The following MRS2 variants were observed in gnomAD, a reference collection of about 807,000 sequenced individuals.
MRS2 encodes the protein magnesium transporter MRS2, also known as magnesium transporter MRS2 homolog, mitochondrial.
A neutral mutation model predicts 52.6 loss-of-function variants in MRS2; 40 were observed. The observed-to-expected ratio is 0.76, with a 90% confidence interval of 0.59 to 0.99. The LOEUF is 0.99. MRS2 is among the 50% of genes least tolerant of loss of function. The probability of loss-of-function intolerance (pLI) is 0.00; values close to 1 mark genes in which losing one functional copy is unlikely to be tolerated. For missense variants in MRS2, 472 were observed against 532.7 expected (o/e 0.89, Z 1.12); for synonymous variants, 193 against 195.9 (o/e 0.98, Z 0.13).
intron 9 of MRS2, among the ~76,000 whole-genome samples, chr6:24,420,153 C>G (rs1027905637): frequency 2.0e-5 from 3 of 152,216 alleles, no homozygotes; most frequent in Admixed American, 2.0e-4. Context: ...CCACTTGTTA[C>G]TACCTCTCTC....
intron 1 of MRS2, 25 bp downstream of exon 1, chr6:24,403,261 C>G (rs756057615): frequency 5.1e-6 from 8 of 1,570,890 alleles, no homozygotes; most frequent in Non-Finnish European, 6.9e-6. Context: ...CGGCAACAGC[C>G]TTGGGACGCT....
chr6:24,414,636 C>T (rs996425180), intron 5 of MRS2, among the ~76,000 whole-genome samples: 2 of 152,216 alleles, frequency 1.3e-5, no homozygotes, highest in Admixed American at 6.5e-5. Context: ...CCATCATCAT[C>T]GTGGCCCGTT....
chr6:24,418,794 G>A (rs45447291), intron 9 of MRS2: 27,850 of 381,964 alleles, frequency 0.073, 1,266 homozygotes, highest in African/African-American at 0.13. Context: ...AGCTACTTGG[G>A]AGGCTGAGGC....
chr6:24,420,107 C>G (rs115369249), intron 9 of MRS2, among the ~76,000 whole-genome samples: 3 of 152,184 alleles, frequency 2.0e-5, no homozygotes, highest in Non-Finnish European at 4.4e-5. Context: ...ATAAAAATCC[C>G]GTCCTGCCGC....
chr6:24,407,228 T>C lies in MRS2; in HGVS notation c.265-1180T>C, dbSNP rs73725405. Among the ~76,000 whole-genome samples, 203 of 152,368 alleles carry C rather than the reference T, an allele frequency of 1.3e-3. 1 individual carries two copies. The highest frequency in any genetic ancestry group is 4.7e-3 in the African/African-American group (197 of 41,596). Reference sequence around the variant, plus strand: ...TTTCAAATTTTCTGCAGTGGGTTTATGTATTTGTGAAATATAAGGCTGAAA... The same window carrying C: ...TTTCAAATTTTCTGCAGTGGGTTTACGTATTTGTGAAATATAAGGCTGAAA... On this transcript the variant is annotated intron_variant, in intron 2 of 10. Coordinates refer to ENST00000378386, the MANE Select transcript of MRS2 (RefSeq NM_020662.4).
Position 24,408,455 on chromosome 6 carries a change from A to G in MRS2, c.301+11A>G, listed in dbSNP as rs745710425. On this transcript the variant is annotated intron_variant, in intron 3 of 10. Transcript: ENST00000378386. ...ACGTTACTTCTTTTGGTGAGTGATT[A>G]GCATTCTAAATCATTTTTTAAACAT... is the stretch of plus-strand genomic sequence containing the variant. The G allele has an allele frequency of 6.4e-7, 1 of 1,566,106 alleles. No individual in the cohort carries two copies. The highest frequency in any genetic ancestry group is 1.1e-5 in the South Asian group (1 of 89,236).
chr6:24,419,874 C>T (rs749064524), intron 9 of MRS2, among the ~76,000 whole-genome samples: 101 of 152,296 alleles, frequency 6.6e-4, no homozygotes, highest in African/African-American at 1.3e-3. Context: ...TGTGTTTTCA[C>T]AGAATAGCTT....
chr6:24,415,183 C>G lies in MRS2; in HGVS notation c.719+20C>G, dbSNP rs573389114. On this transcript the variant is annotated intron_variant, in intron 6 of 10. Coordinates refer to ENST00000378386, the MANE Select transcript of MRS2 (RefSeq NM_020662.4). Reference sequence around the variant, plus strand: ...CAAAAGGTAAATATGGATGATGTATCACATTGGGAGTTGGAGACAAATATC... The same window carrying G: ...CAAAAGGTAAATATGGATGATGTATGACATTGGGAGTTGGAGACAAATATC... The G allele has an allele frequency of 1.6e-5, 25 of 1,522,156 alleles. No individual in the cohort carries two copies. The South Asian group carries it at 3.2e-4, about 20-fold the overall frequency. 94.3% of individuals were successfully genotyped at this position (1,522,156 alleles called of 1,614,324 possible).
At chr6:24,406,296 A>G (rs1290390839) in intron 2 of MRS2, among the ~76,000 whole-genome samples, 1 of 152,180 alleles carries the variant, frequency 6.6e-6, no homozygotes, top group Admixed American at 6.5e-5. Context: ...TCATATATAG[A>G]AAGCCCTTAA....
chr6:24,419,717 T>A (rs1257032283), intron 9 of MRS2, among the ~76,000 whole-genome samples: 2 of 152,234 alleles, frequency 1.3e-5, no homozygotes, highest in Non-Finnish European at 2.9e-5. Context: ...CATTTCACTG[T>A]GGTTTTGTAC....
At chr6:24,417,981 C>T in intron 7 of MRS2, 103 bp from the exon 8 acceptor site, 1 of 867,116 alleles carries the variant, frequency 1.2e-6, no homozygotes, top group South Asian at 2.1e-5. Context: ...GCTAGCTTTT[C>T]CACTGGTAGC....
intron 5 of MRS2, among the ~76,000 whole-genome samples, chr6:24,413,769 T>A (rs959408372): frequency 2.0e-5 from 3 of 152,250 alleles, no homozygotes; most frequent in Non-Finnish European, 2.9e-5. Flanking sequence ...ATTGTGCTTC[T>A]GAGATAAAGA....
chr6:24,413,962 C>T (rs1033648865), intron 5 of MRS2, among the ~76,000 whole-genome samples: 1 of 152,162 alleles, frequency 6.6e-6, no homozygotes, highest in African/African-American at 2.4e-5. Context: ...TTTGACTTTA[C>T]TCTGATATGT....
rs1490095184 is a variant in MRS2, at chr6:24,413,288, G to A, written c.588+893G>A. On this transcript the variant is annotated intron_variant, in intron 5 of 10. Transcript: ENST00000378386. ...AGAGGCTAGGCTGGCATGGGTCTCCGGCCTAGAGATTGGCTGTGGGGAGAA... is the reference window on the plus strand; with the variant it reads ...AGAGGCTAGGCTGGCATGGGTCTCCAGCCTAGAGATTGGCTGTGGGGAGAA... Among the ~76,000 whole-genome samples, 4 of 152,074 alleles carry A rather than the reference G, an allele frequency of 2.6e-5. No homozygotes were observed. In the East Asian group the frequency reaches 5.8e-4, roughly 22 times the overall value.
At chr6:24,407,503 C>T (rs1228248967) in intron 2 of MRS2, among the ~76,000 whole-genome samples, 1 of 152,134 alleles carries the variant, frequency 6.6e-6, no homozygotes, top group Admixed American at 6.5e-5. Flanking sequence ...GTAAGTAGTA[C>T]AGCTCAGCAC....
intron 4 of MRS2, 32 bp from the exon 5 acceptor site, chr6:24,412,190 T>G: frequency 7.1e-7 from 1 of 1,409,944 alleles, no homozygotes; most frequent in Non-Finnish European, 9.6e-7. Context: ...CACTCACATA[T>G]TTATATGTTT....
chr6:24,407,171 G>A (rs1355370146), intron 2 of MRS2, among the ~76,000 whole-genome samples: 3 of 147,484 alleles, frequency 2.0e-5, no homozygotes, highest in Non-Finnish European at 4.6e-5. Context: ...CATTTCAGGT[G>A]ATTAATATAG....
intron 9 of MRS2, among the ~76,000 whole-genome samples, chr6:24,422,338 C>T (rs1762072678): frequency 1.3e-5 from 2 of 152,286 alleles, no homozygotes; most frequent in South Asian, 4.1e-4. Context: ...TTCTGTGATT[C>T]TGTACATTAA....
intron 2 of MRS2, 145 bp from the exon 3 acceptor site, chr6:24,408,263 G>C: frequency 1.7e-6 from 1 of 576,440 alleles, no homozygotes; most frequent in East Asian, 2.8e-5. Flanking sequence ...TTAATCTAAA[G>C]AAGGTCAGTA....
Sources: allele counts gnomAD v4.1 joint callset (sites outside exome capture counted in the v4.1 genomes callset), GRCh38; gene constraint gnomAD v4.1.1; transcripts MANE v1.5; gene names NCBI Gene and HGNC (gene_info 2026-07-23, HGNC 2026-07-21).